The following LHFPL2 variants were observed in gnomAD, a reference collection of about 807,000 sequenced individuals.
LHFPL2 encodes LHFPL tetraspan subfamily member 2 protein.
LHFPL2 carries 7 observed loss-of-function variants against 17.5 expected under a neutral mutation model. The ratio of observed to expected loss-of-function variants is 0.40; its 90% confidence interval spans 0.23 to 0.75. The LOEUF (loss-of-function observed/expected upper bound fraction) is 0.75. Among genes scored for constraint, LHFPL2 ranks in the 30% least tolerant of loss-of-function variants. The pLI, the probability that LHFPL2 is intolerant of heterozygous loss-of-function variation, is 0.37. For synonymous variants in LHFPL2, 134 were observed against 116.2 expected (o/e 1.15, Z -0.99); for missense variants, 241 against 294.8 (o/e 0.82, Z 1.34).
chr5:78,575,457 G>T (rs1210014141), intron 2 of LHFPL2, among the ~76,000 whole-genome samples: 1 of 152,116 alleles, frequency 6.6e-6, no homozygotes, highest in Non-Finnish European at 1.5e-5. Flanking sequence ...GCTGAGGCAG[G>T]AGAATCACTT....
chr5:78,496,250 T>G (rs16875522), intron 4 of LHFPL2, among the ~76,000 whole-genome samples: 5,136 of 152,214 alleles, frequency 0.034, 244 homozygotes, highest in African/African-American at 0.1. Context: ...TCGTGACACT[T>G]TTTAGGAACT....
At chr5:78,562,216 T>C (rs1278845032) in intron 3 of LHFPL2, among the ~76,000 whole-genome samples, 3 of 152,258 alleles carry the variant, frequency 2.0e-5, no homozygotes, top group South Asian at 2.1e-4. Flanking sequence ...GGATTATCCA[T>C]GAGTAGAGAT....
chr5:78,606,369 T>C (rs1744212414), intron 2 of LHFPL2, among the ~76,000 whole-genome samples: 1 of 152,202 alleles, frequency 6.6e-6, no homozygotes. Flanking sequence ...TGCTATTTAA[T>C]GTACAAGACA....
chr5:78,631,392 T>TA (rs968053946), intron 2 of LHFPL2, among the ~76,000 whole-genome samples: 4 of 152,298 alleles, frequency 2.6e-5, no homozygotes, highest in South Asian at 2.1e-4. Context: ...TAGCATAACT[T>TA]ACGCTACTTG....
chr5:78,548,304 T>C (rs1756345748), intron 3 of LHFPL2, among the ~76,000 whole-genome samples: 1 of 152,176 alleles, frequency 6.6e-6, no homozygotes, highest in African/African-American at 2.4e-5. Context: ...AGGTAGTGGA[T>C]GTTGTATCCA....
At chr5:78,579,761 G>C (rs1232488132) in intron 2 of LHFPL2, among the ~76,000 whole-genome samples, 9 of 152,148 alleles carry the variant, frequency 5.9e-5, no homozygotes, top group African/African-American at 2.2e-4. Flanking sequence ...CATTTGGGTT[G>C]GTTCCAAGTC....
At chr5:78,532,587 T>A (rs1755818386) in intron 3 of LHFPL2, among the ~76,000 whole-genome samples, 1 of 152,190 alleles carries the variant, frequency 6.6e-6, no homozygotes. Context: ...AAACTTTTAA[T>A]TTGTTTAAAG....
chr5:78,525,473 G>C (rs1233726634), intron 3 of LHFPL2, among the ~76,000 whole-genome samples: 1 of 152,134 alleles, frequency 6.6e-6, no homozygotes, highest in Non-Finnish European at 1.5e-5. Context: ...AATTGAGCAG[G>C]TCATTCATGG....
At chr5:78,491,709 G>A (rs139074208) in intron 4 of LHFPL2, among the ~76,000 whole-genome samples, 77 of 152,232 alleles carry the variant, frequency 5.1e-4, no homozygotes, top group African/African-American at 1.8e-3. Context: ...CTGTAAAATG[G>A]ACTAATCCAT....
chr5:78,490,637 ACT>A lies in LHFPL2; in HGVS notation c.431-1486_431-1485del, dbSNP rs1754408467. On this transcript the variant is annotated intron_variant, in intron 4 of 4. Transcript: ENST00000380345. ...TGGTGGCACACCTGTAGTCCCGGCT[ACT>A]GGGAAGGCTGAGGCAGAAGAATCGC... Among the ~76,000 whole-genome samples the A allele has an allele frequency of 3.3e-5, 5 of 150,596 alleles. No individual in the cohort carries two copies. The South Asian group carries it at 1.1e-3, about 32-fold the overall frequency.
intron 1 of LHFPL2, among the ~76,000 whole-genome samples, chr5:78,635,804 A>AAAACAAACAAAC (rs35936466): frequency 5.9e-5 from 9 of 151,308 alleles, no homozygotes; most frequent in African/African-American, 1.9e-4. Flanking sequence ...CTCCGTCTCA[A>AAAACAAACAAAC]AAACAAACAA....
chr5:78,528,959 G>A (rs1034986058), intron 3 of LHFPL2, among the ~76,000 whole-genome samples: 7 of 152,120 alleles, frequency 4.6e-5, no homozygotes, highest in Admixed American at 1.3e-4. Context: ...AATTGGCAGA[G>A]CCCTGTCAAA....
chr5:78,518,106 G>T (rs1755343472), intron 3 of LHFPL2, among the ~76,000 whole-genome samples: 1 of 152,200 alleles, frequency 6.6e-6, no homozygotes, highest in African/African-American at 2.4e-5. Context: ...AGTTTTACAT[G>T]AAATTAAAAC....
intron 2 of LHFPL2, among the ~76,000 whole-genome samples, chr5:78,604,634 A>G (rs1744145719): frequency 6.6e-6 from 1 of 152,266 alleles, no homozygotes; most frequent in Non-Finnish European, 1.5e-5. Flanking sequence ...TATGTGATCC[A>G]AGAAACTTGT....
intron 1 of LHFPL2, chr5:78,644,769 T>G (rs1254760446): frequency 1.3e-5 from 3 of 234,656 alleles, no homozygotes; most frequent in Non-Finnish European, 2.6e-5. Flanking sequence ...CTTCTTCTTG[T>G]GCTCCTCCCA....
At position 78,485,608 on chromosome 5, in the gene LHFPL2, G is replaced by C. The variant is rs1353697357; in HGVS notation, c.*3289C>G. Reference sequence around the variant, plus strand: ...GTGGCCACAAGTTATTGCACAGAGAGGTCTGTTCTAAGCCAGACTCTTACA... The same window carrying C: ...GTGGCCACAAGTTATTGCACAGAGACGTCTGTTCTAAGCCAGACTCTTACA... On this transcript the variant is annotated 3_prime_UTR_variant, in exon 5 of 5. Coordinates refer to ENST00000380345, the MANE Select transcript of LHFPL2 (RefSeq NM_005779.3). 6.6e-6 allele frequency: 1 copy of C among 152,572 alleles called. No homozygotes were observed. Among genetic ancestry groups the C allele is most frequent in the Non-Finnish European group, 1.5e-5 (1 of 68,050 alleles). 9.5% of individuals were successfully genotyped at this position (152,572 alleles called of 1,614,324 possible). A position where few individuals can be genotyped will look rare whatever the true frequency, so the allele number is the denominator to read the frequency against.
At chr5:78,634,575 C>T (rs1236707230) in intron 1 of LHFPL2, among the ~76,000 whole-genome samples, 2 of 152,240 alleles carry the variant, frequency 1.3e-5, no homozygotes, top group East Asian at 3.8e-4. Flanking sequence ...GGCTCTTCCA[C>T]CTGTCTCTCC....
intron 3 of LHFPL2, among the ~76,000 whole-genome samples, chr5:78,511,437 G>A (rs531871929): frequency 6.6e-6 from 1 of 152,362 alleles, no homozygotes; most frequent in Non-Finnish European, 1.5e-5. Context: ...TGAAATGGGG[G>A]CCAGCAGGGC....
At chr5:78,511,109 A>G (rs1233482525) in intron 3 of LHFPL2, among the ~76,000 whole-genome samples, 3 of 152,302 alleles carry the variant, frequency 2.0e-5, no homozygotes, top group Non-Finnish European at 4.4e-5. Context: ...AGAGGGGAAA[A>G]AAAAAAAACC....
Sources: gnomAD v4.1 joint callset for allele counts (sites outside exome capture counted in the v4.1 genomes callset) on GRCh38, gnomAD v4.1.1 for gene constraint, MANE v1.5 for transcripts, NCBI Gene and HGNC (gene_info 2026-07-23, HGNC 2026-07-21) for gene names.